MICAL3: variants seen among roughly 807,000 people sequenced by gnomAD.
The protein encoded by MICAL3 is [F-actin]-monooxygenase MICAL3.
MICAL3 carries 62 observed loss-of-function variants against 207.4 expected under a neutral mutation model. The ratio of observed to expected loss-of-function variants is 0.30; its 90% CI spans 0.24 to 0.37. The LOEUF (loss-of-function observed/expected upper bound fraction) is 0.37, where lower values mean the gene tolerates loss of function less well. MICAL3 is among the 10% of genes least tolerant of loss of function. The probability of loss-of-function intolerance (pLI) is 1.00; values close to 1 mark genes in which losing one functional copy is unlikely to be tolerated. For synonymous variants in MICAL3, 1,077 were observed against 1,069.3 expected, an observed-to-expected ratio of 1.01 and a Z score of -0.14; for missense variants, 2,368 against 2,635.6, an observed-to-expected ratio of 0.90 and a Z score of 2.22.
intron 21 of MICAL3, among the ~76,000 whole-genome samples, chr22:17,830,896 G>A (rs1408069938): frequency 6.6e-6 from 1 of 152,230 alleles, no homozygotes; most frequent in Non-Finnish European, 1.5e-5. Context: ...CAGCTCCCAG[G>A]GGACTGGATC....
At chr22:17,877,481 G>GGTTAGGGAA (rs1928896479) in intron 16 of MICAL3, among the ~76,000 whole-genome samples, 1 of 110,326 alleles carries the variant, frequency 9.1e-6, no homozygotes, top group Admixed American at 8.4e-5. Flanking sequence ...AGGTTAGGGA[G>GGTTAGGGAA]GTTATGGAGG....
intron 16 of MICAL3, chr22:17,881,242 G>C (rs1929396998): frequency 1.2e-6 from 2 of 1,612,516 alleles, no homozygotes; most frequent in Non-Finnish European, 1.7e-6. Flanking sequence ...AGGTGGAGTA[G>C]GGGGAGGAGA....
At chr22:17,968,606 G>C (rs902832155) in intron 1 of MICAL3, among the ~76,000 whole-genome samples, 1 of 151,878 alleles carries the variant, frequency 6.6e-6, no homozygotes, top group Non-Finnish European at 1.5e-5. Flanking sequence ...ATGCCTGGGA[G>C]AGTGTCCAAC....
chr22:17,970,415 G>A (rs1430700481), intron 1 of MICAL3, among the ~76,000 whole-genome samples: 4 of 152,198 alleles, frequency 2.6e-5, no homozygotes, highest in South Asian at 2.1e-4. Context: ...GAGGATCTTC[G>A]TGATCTGCCG....
chr22:17,864,427 C>T, intron 19 of MICAL3: 12 of 1,400,832 alleles, frequency 8.6e-6, no homozygotes, highest in Non-Finnish European at 1.1e-5. Context: ...CAAAACAAGA[C>T]CACGGGGCTT....
At chr22:17,922,572 A>G (rs1932826037) in intron 1 of MICAL3, among the ~76,000 whole-genome samples, 1 of 152,134 alleles carries the variant, frequency 6.6e-6, no homozygotes, top group South Asian at 2.1e-4. Flanking sequence ...CACTGGTATT[A>G]TGATGTTGAA....
At chr22:17,884,422 A>G in intron 16 of MICAL3, 4 of 1,238,730 alleles carry the variant, frequency 3.2e-6, no homozygotes, top group Non-Finnish European at 4.5e-6. Flanking sequence ...ATAAAAATAC[A>G]TTAAGGTGGG....
intron 1 of MICAL3, among the ~76,000 whole-genome samples, chr22:17,987,604 T>A (rs1041175080): frequency 2.0e-5 from 3 of 152,196 alleles, no homozygotes; most frequent in African/African-American, 7.2e-5. Context: ...AGCTGCCACG[T>A]CACTATTTAC....
At chr22:17,970,076 C>A (rs529165487) in intron 1 of MICAL3, among the ~76,000 whole-genome samples, 1 of 152,176 alleles carries the variant, frequency 6.6e-6, no homozygotes, top group Non-Finnish European at 1.5e-5. Context: ...TTGCTCCAGC[C>A]GCTCCAGCAG....
intron 1 of MICAL3, among the ~76,000 whole-genome samples, chr22:17,933,594 T>C (rs1383510682): frequency 1.3e-5 from 2 of 152,066 alleles, no homozygotes; most frequent in South Asian, 2.1e-4. Flanking sequence ...ATTCAAAAGC[T>C]AGCAGAAGGC....
At chr22:17,973,317 G>A (rs1335512102) in intron 1 of MICAL3, among the ~76,000 whole-genome samples, 1 of 152,194 alleles carries the variant, frequency 6.6e-6, no homozygotes, top group Non-Finnish European at 1.5e-5. Context: ...CAGAAAAGAC[G>A]GCTTACCAAA....
At chr22:18,019,778 T>A in intron 1 of MICAL3, 1 of 207,520 alleles carries the variant, frequency 4.8e-6, no homozygotes. Context: ...TTTGGAATTT[T>A]CTACTAGAGA....
At chr22:17,926,333 TA>T (rs1243539352) in intron 1 of MICAL3, among the ~76,000 whole-genome samples, 1 of 152,064 alleles carries the variant, frequency 6.6e-6, no homozygotes, top group African/African-American at 2.4e-5. Context: ...ATCTGTAGAG[TA>T]ACCGAAAAGC....
At chr22:17,988,331 T>C (rs1921261256) in intron 1 of MICAL3, among the ~76,000 whole-genome samples, 1 of 152,230 alleles carries the variant, frequency 6.6e-6, no homozygotes, top group Admixed American at 6.5e-5. Context: ...ACTGCCAACA[T>C]CCTGTTCCAG....
intron 1 of MICAL3, among the ~76,000 whole-genome samples, chr22:18,012,704 G>A (rs452579): frequency 0.24 from 37,203 of 152,128 alleles, 4,797 homozygotes; most frequent in African/African-American, 0.3. Context: ...ACACGCCTAC[G>A]AAGAATGCTG....
intron 29 of MICAL3, among the ~76,000 whole-genome samples, chr22:17,797,580 T>A (rs1428010754): frequency 6.6e-6 from 1 of 152,212 alleles, no homozygotes; most frequent in African/African-American, 2.4e-5. Flanking sequence ...AGTGACAATC[T>A]GTGTGGCGGT....
chr22:17,860,507 G>A (rs1341944028), intron 19 of MICAL3: 4 of 985,366 alleles, frequency 4.1e-6, no homozygotes, highest in Non-Finnish European at 4.8e-6. Context: ...GAACCCCTTG[G>A]TGCCCTGCTC....
chr22:17,979,002 C>A (rs1935782846), intron 1 of MICAL3, among the ~76,000 whole-genome samples: 1 of 149,454 alleles, frequency 6.7e-6, no homozygotes, highest in African/African-American at 2.5e-5. Flanking sequence ...ATGGCAAAAC[C>A]CCATCTCTAC....
intron 19 of MICAL3, among the ~76,000 whole-genome samples, chr22:17,842,739 C>T (rs975464400): frequency 6.6e-6 from 1 of 152,224 alleles, no homozygotes; most frequent in Non-Finnish European, 1.5e-5. Flanking sequence ...GCCCTGCCTG[C>T]GTCCTTTCAC....
Sources: gnomAD v4.1 joint callset for allele counts (sites outside exome capture counted in the v4.1 genomes callset) on GRCh38, gnomAD v4.1.1 for gene constraint, MANE v1.5 for transcripts, NCBI Gene and HGNC (gene_info 2026-07-23, HGNC 2026-07-21) for gene names.